The following TTC23 variants were observed in gnomAD, a reference collection of about 807,000 sequenced individuals.
TTC23 encodes tetratricopeptide repeat protein 23.
A neutral mutation model predicts 55.1 loss-of-function variants in TTC23; 58 were observed. The observed-to-expected ratio is 1.05, with a 90% CI of 0.85 to 1.31. The LOEUF (loss-of-function observed/expected upper bound fraction) is 1.31, where lower values mean the gene tolerates loss of function less well. Among genes scored for constraint, TTC23 ranks in the 50% most tolerant of loss-of-function variants. TTC23 has a pLI of 0.00. For missense variants in TTC23, 516 were observed against 534.4 expected (o/e 0.97, Z 0.34); for synonymous variants, 203 against 199.9 (o/e 1.02, Z -0.13).
At chr15:99,239,168 C>A (rs2079559359) in intron 3 of TTC23, among the ~76,000 whole-genome samples, 1 of 152,108 alleles carries the variant, frequency 6.6e-6, no homozygotes, top group African/African-American at 2.4e-5. Flanking sequence ...GTGGTGTTCT[C>A]ATTCCTGGGT....
chr15:99,198,902 A>G (rs1054041881), intron 9 of TTC23, among the ~76,000 whole-genome samples: 28 of 152,246 alleles, frequency 1.8e-4, no homozygotes, highest in Admixed American at 2.6e-4. Context: ...TTTACAGGAA[A>G]AAATTATCAG....
intron 4 of TTC23, among the ~76,000 whole-genome samples, chr15:99,233,536 T>C (rs1465405097): frequency 1.3e-5 from 2 of 152,152 alleles, no homozygotes; most frequent in Admixed American, 1.3e-4. Flanking sequence ...CAAGATCTAA[T>C]ATCTAATATC....
chr15:99,223,116 A>AGT (rs2078090549), intron 5 of TTC23, among the ~76,000 whole-genome samples: 3 of 152,240 alleles, frequency 2.0e-5, no homozygotes, highest in African/African-American at 7.2e-5. Flanking sequence ...TGGCCAATAG[A>AGT]ACGTGGAGGA....
At chr15:99,206,240 A>G (rs934483181) in intron 8 of TTC23, among the ~76,000 whole-genome samples, 1 of 152,134 alleles carries the variant, frequency 6.6e-6, no homozygotes, top group Non-Finnish European at 1.5e-5. Context: ...TTTTGTATCC[A>G]TATTCATCAG....
At chr15:99,141,769 G>A (rs2068257113) in intron 12 of TTC23, among the ~76,000 whole-genome samples, 1 of 152,168 alleles carries the variant, frequency 6.6e-6, no homozygotes, top group African/African-American at 2.4e-5. Flanking sequence ...TCAGTCTGAG[G>A]AATTGAGAAT....
In TTC23 at chr15:99,221,872, G is replaced by C; in HGVS notation, c.181-8C>G. On this transcript the variant is annotated splice_region_variant and splice_polypyrimidine_tract_variant and intron_variant, in intron 5 of 13. Coordinates refer to ENST00000394132, the MANE Select transcript of TTC23 (RefSeq NM_001288615.3). The stretch of plus-strand genomic sequence containing the variant: ...ATGGACGGCCTGTTTGTACTGTTAG[G>C]AAGAGAAAACAGGCTTACCAGTTAT... 2 of 1,613,276 alleles carry C rather than the reference G, an allele frequency of 1.2e-6. No individual in the cohort carries two copies. Among genetic ancestry groups the C allele is most frequent in the South Asian group, 2.2e-5 (2 of 90,974 alleles).
At chr15:99,200,935 A>G (rs1010225143) in intron 8 of TTC23, among the ~76,000 whole-genome samples, 1 of 152,216 alleles carries the variant, frequency 6.6e-6, no homozygotes, top group Non-Finnish European at 1.5e-5. Context: ...ACAGAAGTTT[A>G]CCCATTCTAT....
At chr15:99,189,567 C>T (rs555079826) in intron 9 of TTC23, among the ~76,000 whole-genome samples, 5 of 151,754 alleles carry the variant, frequency 3.3e-5, no homozygotes, top group African/African-American at 9.7e-5. Flanking sequence ...ATTTCATGTG[C>T]CTCTGAATGA....
At chr15:99,138,503 G>T (rs943399621) in intron 13 of TTC23, among the ~76,000 whole-genome samples, 2 of 152,080 alleles carry the variant, frequency 1.3e-5, no homozygotes, top group African/African-American at 4.8e-5. Flanking sequence ...TAGTAGAGAC[G>T]AAGTTTTGCC....
chr15:99,206,264 T>C (rs746982464), intron 8 of TTC23, among the ~76,000 whole-genome samples: 2 of 152,126 alleles, frequency 1.3e-5, no homozygotes, highest in Non-Finnish European at 2.9e-5. Context: ...TATTGGCCCA[T>C]AGTTTTCTTT....
chr15:99,147,464 ATCC>A, intron 12 of TTC23, among the ~76,000 whole-genome samples: 1 of 150,074 alleles, frequency 6.7e-6, no homozygotes, highest in Admixed American at 6.6e-5. Flanking sequence ...TGACCTCGTG[ATCC>A]TCCTGCCTCA....
At chr15:99,220,050 A>T (rs987223502) in intron 6 of TTC23, among the ~76,000 whole-genome samples, 1 of 152,218 alleles carries the variant, frequency 6.6e-6, no homozygotes, top group East Asian at 1.9e-4. Flanking sequence ...TACACAAAGC[A>T]TGTTGGACTG....
At chr15:99,183,219 C>A (rs752710200) in intron 9 of TTC23, among the ~76,000 whole-genome samples, 2 of 152,148 alleles carry the variant, frequency 1.3e-5, no homozygotes, top group Non-Finnish European at 2.9e-5. Context: ...TCTTGCTATG[C>A]TTTAGCAAAG....
intron 10 of TTC23, among the ~76,000 whole-genome samples, chr15:99,163,041 C>T (rs188403084): frequency 6.6e-6 from 1 of 152,040 alleles, no homozygotes; most frequent in Non-Finnish European, 1.5e-5. Context: ...TGTGATCATA[C>T]CACTGTATTC....
chr15:99,156,435 A>G, intron 11 of TTC23, 138 bp from the exon 12 acceptor site: 1 of 1,008,608 alleles, frequency 9.9e-7, no homozygotes, highest in Admixed American at 2.5e-5. Context: ...GTCCATTCTC[A>G]TGCTGCTATG....
intron 10 of TTC23, among the ~76,000 whole-genome samples, chr15:99,167,061 G>C (rs2072208791): frequency 6.6e-6 from 1 of 151,972 alleles, no homozygotes; most frequent in Admixed American, 6.6e-5. Flanking sequence ...AGCAGCCTTT[G>C]ACGGGAGGGC....
chr15:99,149,631 G>T (rs1482289896), intron 12 of TTC23, among the ~76,000 whole-genome samples: 1 of 152,234 alleles, frequency 6.6e-6, no homozygotes, highest in Admixed American at 6.5e-5. Context: ...CACACTTGGT[G>T]AGCCACTGGC....
intron 10 of TTC23, 150 bp from the exon 11 acceptor site, chr15:99,162,017 G>T: frequency 1.3e-6 from 1 of 747,594 alleles, no homozygotes; most frequent in Non-Finnish European, 2.0e-6. Flanking sequence ...CCATTAATCT[G>T]CCTGTTTCAT....
intron 3 of TTC23, among the ~76,000 whole-genome samples, chr15:99,240,620 C>T (rs2079697285): frequency 6.6e-6 from 1 of 152,200 alleles, no homozygotes; most frequent in African/African-American, 2.4e-5. Flanking sequence ...TATTGGCTAC[C>T]GGACATGAAG....
Sources: allele counts gnomAD v4.1 joint callset (sites outside exome capture counted in the v4.1 genomes callset), GRCh38; gene constraint gnomAD v4.1.1; transcripts MANE v1.5; gene names NCBI Gene and HGNC (gene_info 2026-07-23, HGNC 2026-07-21).